Variants in PALMD observed in about 807,000 individuals in gnomAD.
PALMD encodes paralemmin-like protein.
In PALMD, 42 loss-of-function variants were observed where a neutral mutation model predicts 56.2. The ratio of observed to expected loss-of-function variants is 0.75; its 90% CI spans 0.58 to 0.97. The LOEUF is 0.97. Ranked by LOEUF, PALMD falls within the 50% of genes least tolerant of loss-of-function variation. The pLI, the probability that PALMD is intolerant of heterozygous loss-of-function variation, is 0.00. For missense variants in PALMD, 660 were observed against 643.8 expected (o/e 1.03, Z -0.27); for synonymous variants, 242 against 222.9 (o/e 1.09, Z -0.76).
intron 3 of PALMD, chr1:99,669,781 G>C (rs1200764918): frequency 6.6e-6 from 1 of 152,332 alleles, no homozygotes; most frequent in East Asian, 1.9e-4. Flanking sequence ...ACAGTGGCTG[G>C]TCTAGTTAGA....
intron 7 of PALMD, 106 bp downstream of exon 7, chr1:99,689,978 AT>A (rs367762146): frequency 4.1e-6 from 4 of 972,788 alleles, no homozygotes; most frequent in African/African-American, 3.3e-5. Context: ...TCATAAACTA[AT>A]ACGCACTGAG....
chr1:99,651,402 C>T (rs1421730334), intron 1 of PALMD, among the ~76,000 whole-genome samples: 3 of 152,112 alleles, frequency 2.0e-5, no homozygotes, highest in African/African-American at 4.8e-5. Context: ...GACAAAGATC[C>T]CCATGAACTT....
At chr1:99,649,558 C>T (rs1652519949) in intron 1 of PALMD, among the ~76,000 whole-genome samples, 3 of 152,112 alleles carry the variant, frequency 2.0e-5, no homozygotes, top group Admixed American at 2.0e-4. Context: ...TGAAAGTGAA[C>T]GTGGCCCACA....
chr1:99,682,714 G>A (rs528703550), intron 3 of PALMD, among the ~76,000 whole-genome samples: 103 of 152,072 alleles, frequency 6.8e-4, no homozygotes, highest in Non-Finnish European at 1.3e-3. Flanking sequence ...GCAGAGACAG[G>A]AAGAAACTAG....
At chr1:99,672,176 C>T (rs938321957) in intron 3 of PALMD, among the ~76,000 whole-genome samples, 1 of 152,130 alleles carries the variant, frequency 6.6e-6, no homozygotes, top group African/African-American at 2.4e-5. Flanking sequence ...AGAGAGGCAA[C>T]ATTTCAGAAA....
intron 1 of PALMD, among the ~76,000 whole-genome samples, chr1:99,655,674 C>A (rs555763842): frequency 6.6e-6 from 1 of 152,270 alleles, no homozygotes; most frequent in African/African-American, 2.4e-5. Flanking sequence ...ATAAATTTTT[C>A]TACCCCCTGA....
intron 2 of PALMD, among the ~76,000 whole-genome samples, chr1:99,666,157 T>C (rs894290213): frequency 6.6e-6 from 1 of 152,114 alleles, no homozygotes; most frequent in African/African-American, 2.4e-5. Flanking sequence ...CTTCTTCAAT[T>C]AGAGCAGTCC....
chr1:99,659,183 C>T (rs937267956), intron 1 of PALMD, among the ~76,000 whole-genome samples: 2 of 152,176 alleles, frequency 1.3e-5, no homozygotes, highest in Middle Eastern at 3.2e-3. Context: ...AAGCATTGTG[C>T]TGACTTTTAT....
chr1:99,655,953 C>T (rs1490690945), intron 1 of PALMD, among the ~76,000 whole-genome samples: 8 of 151,218 alleles, frequency 5.3e-5, no homozygotes, highest in Admixed American at 5.3e-4. Context: ...CACACATGCA[C>T]ACACACACAC....
In PALMD at chr1:99,686,772, A is replaced by G. The variant is rs1256983626; in HGVS notation, c.348A>G (p.Thr116=). ...ILKKLKSIER[T]TEDIIRSVKV... is the part of the protein sequence containing the mutation. The stretch of plus-strand genomic sequence containing the variant: ...AGAAACTAAAGTCAATTGAGCGGAC[A>G]ACAGAAGACATTATAAGAGTGAGCA... The change falls in exon 4 of 8, where the codon ACA becomes ACG. Residue 116 remains threonine, a synonymous_variant. Coordinates refer to ENST00000263174, the MANE Select transcript of PALMD (RefSeq NM_017734.5). The G allele has an allele frequency of 1.9e-6, 3 of 1,583,088 alleles. No homozygotes were observed. In the South Asian group the frequency reaches 3.3e-5, roughly 18 times the overall value.
intron 3 of PALMD, among the ~76,000 whole-genome samples, chr1:99,674,282 A>C (rs1653155972): frequency 6.6e-6 from 1 of 151,928 alleles, no homozygotes; most frequent in Non-Finnish European, 1.5e-5. Flanking sequence ...TGAAAAGTAG[A>C]TTGCAATAAA....
intron 1 of PALMD, among the ~76,000 whole-genome samples, chr1:99,649,367 G>T (rs1652516102): frequency 6.6e-6 from 1 of 152,254 alleles, no homozygotes; most frequent in East Asian, 1.9e-4. Context: ...TTCTACAAAA[G>T]GTGAGCTAAT....
rs759641389 is a variant in PALMD at position 99,646,141 on chromosome 1, T to C, written c.-177T>C. 1.1e-5 allele frequency: 7 copies of C among 617,550 alleles called. No individual in the cohort carries two copies. The highest frequency in any genetic ancestry group is 1.9e-5 in the African/African-American group (1 of 54,042). The allele number at this position is 617,550 out of a possible 1,614,324, so 38.3% of individuals were successfully genotyped here. A position where few individuals can be genotyped will look rare whatever the true frequency, so the allele number is the denominator to read the frequency against. On this transcript the variant is annotated 5_prime_UTR_variant, in exon 1 of 8. Transcript: ENST00000263174. ...ACATGTGTCTGTCTGGCCTGATCTG[T>C]GCATCTGCTCGGAGACGCTCCTGAC...
intron 4 of PALMD, 40 bp downstream of exon 4, chr1:99,686,830 A>G (rs767769926): frequency 7.3e-6 from 10 of 1,366,082 alleles, no homozygotes; most frequent in Middle Eastern, 1.8e-4. Context: ...TTCTCTCTCA[A>G]AATGAATCCA....
At chr1:99,664,549 G>T (rs1360119395) in intron 2 of PALMD, among the ~76,000 whole-genome samples, 1 of 152,152 alleles carries the variant, frequency 6.6e-6, no homozygotes, top group Non-Finnish European at 1.5e-5. Flanking sequence ...GGCATAAACT[G>T]CACAGGGCAC....
chr1:99,649,462 G>T (rs1652517038), intron 1 of PALMD, among the ~76,000 whole-genome samples: 1 of 152,162 alleles, frequency 6.6e-6, no homozygotes, highest in Admixed American at 6.6e-5. Context: ...AATGACTCCA[G>T]CATTCTCGAG....
chr1:99,648,952 T>C lies in PALMD; in HGVS notation c.45+2590T>C, dbSNP rs17100846. 7.9e-5 allele frequency among the ~76,000 whole-genome samples: 12 copies of C among 151,272 alleles called. No individual in the cohort carries two copies. The East Asian group carries it at 2.1e-3, about 27-fold the overall frequency. On this transcript the variant is annotated intron_variant, in intron 1 of 7. Transcript: ENST00000263174. Reference sequence around the variant, plus strand: ...GAAATGTGACACTTAGGCTCTCAAATTGAAAACTAAATTACTATCGTGATG... The same window carrying C: ...GAAATGTGACACTTAGGCTCTCAAACTGAAAACTAAATTACTATCGTGATG...
At chr1:99,651,686 C>T (rs955868763) in intron 1 of PALMD, among the ~76,000 whole-genome samples, 2 of 152,160 alleles carry the variant, frequency 1.3e-5, no homozygotes, top group Non-Finnish European at 2.9e-5. Context: ...TTAAGAAGTT[C>T]CCTTACCCAG....
At chr1:99,680,917 T>C (rs753337935) in intron 3 of PALMD, among the ~76,000 whole-genome samples, 1 of 151,934 alleles carries the variant, frequency 6.6e-6, no homozygotes, top group South Asian at 2.1e-4. Flanking sequence ...GTGCTGTCCT[T>C]TTTTCCAAGA....
Sources: allele counts gnomAD v4.1 joint callset (sites outside exome capture counted in the v4.1 genomes callset), GRCh38; gene constraint gnomAD v4.1.1; transcripts MANE v1.5; gene names NCBI Gene and HGNC (gene_info 2026-07-23, HGNC 2026-07-21).